SCN9A: variants seen among roughly 807,000 people sequenced by gnomAD.
SCN9A encodes sodium voltage-gated channel alpha subunit 9, also known as sodium channel protein type 9 subunit alpha.
SCN9A carries 131 observed loss-of-function variants against 187.0 expected under a neutral mutation model. The observed-to-expected ratio is 0.70, with a 90% CI of 0.61 to 0.81. The LOEUF (loss-of-function observed/expected upper bound fraction) is 0.81. Among genes scored for constraint, SCN9A ranks in the 30% least tolerant of loss-of-function variants. The pLI is 0.00. For synonymous variants in SCN9A, 809 were observed against 808.6 expected, an observed-to-expected ratio of 1.00 and a Z score of -0.01; for missense variants, 2,252 against 2,396.6, an observed-to-expected ratio of 0.94 and a Z score of 1.26.
At position 166,277,075 on chromosome 2, in the gene SCN9A, A is replaced by G; in HGVS notation, c.2782T>C (p.Trp928Arg). 1 of 1,613,870 alleles carries G rather than the reference A, an allele frequency of 6.2e-7. No individual in the cohort carries two copies. The highest frequency in any genetic ancestry group is 8.5e-7 in the Non-Finnish European group (1 of 1,179,944). ...ATACAGTCCCACATGGTCTCTATCC[A>G]CTCTCCACACAGCACGCGGAACACA... The part of the protein sequence containing the change: ...LIVFRVLCGE[W>R]IETMWDCMEV... The change falls in exon 16 of 27, where the codon TGG (tryptophan) becomes CGG (arginine). Residue 928 changes from tryptophan to arginine, a missense_variant. Around this residue, in one of 7 missense-constraint regions of SCN9A, gnomAD observed 119 missense variants for 188.7 expected, o/e 0.63. Transcript: ENST00000642356.
intron 20 of SCN9A, among the ~76,000 whole-genome samples, chr2:166,235,373 C>T (rs373775180): frequency 6.6e-6 from 1 of 152,048 alleles, no homozygotes; most frequent in South Asian, 2.1e-4. Flanking sequence ...TACGCCTGTA[C>T]TGAAGAACAC....
chr2:166,304,209 C>A (rs1698676233), intron 6 of SCN9A, 29 bp downstream of exon 6: 1 of 1,610,212 alleles, frequency 6.2e-7, no homozygotes, highest in African/African-American at 1.3e-5. Flanking sequence ...TTATGAGTGG[C>A]CTAATGCTTC....
rs189353092 is a variant in SCN9A at position 166,206,414 on chromosome 2, A to G, written c.4399-1950T>C. ...TCATTCTCAGCAAAATATCACAAGG[A>G]CGGAAAACCAAACTCTGCATGTTCT... is the stretch of plus-strand genomic sequence containing the variant. On this transcript the variant is annotated intron_variant, in intron 24 of 26. Coordinates refer to ENST00000642356, the MANE Select transcript of SCN9A (RefSeq NM_001365536.1). Among the ~76,000 whole-genome samples, 602 of 152,270 alleles carry G rather than the reference A, an allele frequency of 4.0e-3. 4 individuals are homozygous for G. Among genetic ancestry groups the G allele is most frequent in the African/African-American group, 0.014 (575 of 41,540 alleles).
At chr2:166,312,169 C>A (rs1419717706) in intron 1 of SCN9A, among the ~76,000 whole-genome samples, 5 of 152,130 alleles carry the variant, frequency 3.3e-5, no homozygotes, top group Admixed American at 3.3e-4. Context: ...CCTTTGGTAG[C>A]ACCACTCTCC....
At chr2:166,330,342 G>A (rs1289740825) in intron 1 of SCN9A, among the ~76,000 whole-genome samples, 2 of 152,028 alleles carry the variant, frequency 1.3e-5, no homozygotes, top group East Asian at 1.9e-4. Flanking sequence ...CCATTATAAT[G>A]TGTTTATGAA....
intron 1 of SCN9A, among the ~76,000 whole-genome samples, chr2:166,374,150 T>C (rs996662875): frequency 3.9e-5 from 6 of 152,224 alleles, no homozygotes; most frequent in African/African-American, 1.4e-4. Context: ...CTGACTCATC[T>C]TTCTTCTGTA....
chr2:166,368,989 A>G lies in SCN9A; in HGVS notation c.-51+6708T>C, dbSNP rs1036993851. On this transcript the variant is annotated intron_variant, in intron 1 of 26. Transcript: ENST00000642356. Reference sequence around the variant, plus strand: ...GCAACAAGAGTGAAACTCGGTCTCAAAAAAAAAAAAAAGAATGCATTTTGA... The same window carrying G: ...GCAACAAGAGTGAAACTCGGTCTCAGAAAAAAAAAAAAGAATGCATTTTGA... Among the ~76,000 whole-genome samples the G allele has an allele frequency of 2.0e-5, 3 of 147,968 alleles. No individual in the cohort carries two copies. The South Asian group carries it at 6.3e-4, about 31-fold the overall frequency.
At chr2:166,218,534 T>C (rs143024076) in intron 24 of SCN9A, among the ~76,000 whole-genome samples, 51 of 152,224 alleles carry the variant, frequency 3.4e-4, no homozygotes, top group African/African-American at 1.2e-3. Flanking sequence ...GATCAAAGGA[T>C]GTACATTTTT....
At chr2:166,229,398 C>T (rs1694987374) in intron 21 of SCN9A, among the ~76,000 whole-genome samples, 1 of 151,832 alleles carries the variant, frequency 6.6e-6, no homozygotes. Context: ...TATTTATATA[C>T]ATTTAAATGT....
At chr2:166,320,726 A>T (rs181577442) in intron 1 of SCN9A, among the ~76,000 whole-genome samples, 25 of 152,286 alleles carry the variant, frequency 1.6e-4, no homozygotes, top group African/African-American at 5.3e-4. Flanking sequence ...CACAACACAA[A>T]ATTAATGTTT....
chr2:166,325,489 T>C (rs1268218625), intron 1 of SCN9A, among the ~76,000 whole-genome samples: 1 of 152,104 alleles, frequency 6.6e-6, no homozygotes, highest in Non-Finnish European at 1.5e-5. Flanking sequence ...GGAGTCACAA[T>C]GTCTGAGTCC....
rs570223084 is a variant in SCN9A at position 166,314,248 on chromosome 2, C to A, written c.-50-2442G>T. On this transcript the variant is annotated intron_variant, in intron 1 of 26. Coordinates refer to ENST00000642356, the MANE Select transcript of SCN9A (RefSeq NM_001365536.1). Reference sequence around the variant, plus strand: ...TTGCTTAATGCAGGGTTGCCACAAACCTTCAACTTGTAAAGAATGCAGTAT... The same window carrying A: ...TTGCTTAATGCAGGGTTGCCACAAAACTTCAACTTGTAAAGAATGCAGTAT... Among the ~76,000 whole-genome samples the A allele has an allele frequency of 5.3e-5, 8 of 152,218 alleles. No individual in the cohort carries two copies. In the South Asian group the frequency reaches 1.7e-3, roughly 32 times the overall value.
intron 13 of SCN9A, 29 bp downstream of exon 13, chr2:166,281,650 C>G (rs201273310): frequency 6.3e-7 from 1 of 1,595,814 alleles, no homozygotes; most frequent in Admixed American, 1.7e-5. Flanking sequence ...ATTTAAGAAT[C>G]TGTACAGTAA....
intron 24 of SCN9A, among the ~76,000 whole-genome samples, chr2:166,212,771 A>C (rs1694154463): frequency 6.6e-6 from 1 of 152,230 alleles, no homozygotes; most frequent in Non-Finnish European, 1.5e-5. Context: ...AGAAGTTGAA[A>C]TCATACCAGA....
At chr2:166,248,961 A>C (rs1248451939) in intron 18 of SCN9A, among the ~76,000 whole-genome samples, 1 of 151,900 alleles carries the variant, frequency 6.6e-6, no homozygotes, top group Admixed American at 6.6e-5. Context: ...GAGCCACTTC[A>C]CCCAGCCTCT....
intron 13 of SCN9A, 27 bp downstream of exon 13, chr2:166,281,652 G>T: frequency 6.3e-7 from 1 of 1,597,912 alleles, no homozygotes; most frequent in Middle Eastern, 1.7e-4. Context: ...TTAAGAATCT[G>T]TACAGTAAAA....
chr2:166,275,887 C>T (rs939727640), intron 16 of SCN9A, among the ~76,000 whole-genome samples: 4 of 152,140 alleles, frequency 2.6e-5, no homozygotes, highest in Admixed American at 2.0e-4. Flanking sequence ...TCTGTCCTGA[C>T]TTCTGAATCC....
chr2:166,233,358 A>G lies in SCN9A; in HGVS notation c.3906T>C (p.Ser1302=). Residue 1302 remains serine (S), a synonymous_variant, in exon 21 of 27, where the codon TCT becomes TCC. Coordinates refer to ENST00000642356, the MANE Select transcript of SCN9A (RefSeq NM_001365536.1). ...TTCTTACCCTCATTCCTTCAAATCT[A>G]GATAAGGCTCTTAGAGGTCTTAAAG... ...LRALRPLRAL[S]RFEGMRVVVN... is the part of the protein sequence containing the mutation. The G allele has an allele frequency of 1.9e-6, 3 of 1,550,292 alleles. No individual in the cohort carries two copies. Among genetic ancestry groups the G allele is most frequent in the Non-Finnish European group, 2.6e-6 (3 of 1,154,746 alleles).
chr2:166,265,621 A>G (rs1390340006), intron 17 of SCN9A, among the ~76,000 whole-genome samples: 1 of 151,846 alleles, frequency 6.6e-6, no homozygotes, highest in Non-Finnish European at 1.5e-5. Context: ...TCTATTTTTA[A>G]TTTTTTAAAG....
Sources: gnomAD v4.1 joint callset for allele counts (sites outside exome capture counted in the v4.1 genomes callset) on GRCh38, gnomAD v4.1.1 for gene constraint, gnomAD v4.1.1 regional missense constraint, MANE v1.5 for transcripts, NCBI Gene and HGNC (gene_info 2026-07-23, HGNC 2026-07-21) for gene names.